Variants in GBE1 observed in about 807,000 individuals in gnomAD.
GBE1 encodes 1,4-alpha-glucan branching enzyme 1, also known as 1,4-alpha-glucan-branching enzyme.
Under a neutral mutation model 88.8 loss-of-function variants are expected in GBE1, and 70 were observed. The ratio of observed to expected loss-of-function variants is 0.79; its 90% CI spans 0.65 to 0.96. The LOEUF (loss-of-function observed/expected upper bound fraction) is 0.96, where lower values mean the gene tolerates loss of function less well. Among genes scored for constraint, GBE1 ranks in the 40% least tolerant of loss-of-function variants. The probability of loss-of-function intolerance (pLI) is 0.00; values close to 1 mark genes in which losing one functional copy is unlikely to be tolerated. For missense variants in GBE1, 872 were observed against 871.0 expected (o/e 1.00, Z -0.01); for synonymous variants, 284 against 300.1 (o/e 0.95, Z 0.56).
At chr3:81,667,567 A>C (rs1037661015) in intron 3 of GBE1, among the ~76,000 whole-genome samples, 6 of 152,126 alleles carry the variant, frequency 3.9e-5, no homozygotes, top group Admixed American at 2.0e-4. Context: ...ATTCAATATG[A>C]TATTAGTTGT....
chr3:81,499,344 TAAG>T, intron 14 of GBE1, 117 bp from the exon 15 acceptor site: 2 of 709,444 alleles, frequency 2.8e-6, no homozygotes, highest in South Asian at 3.1e-5. Context: ...TAATTTGTGC[TAAG>T]AACTCATTTC....
At chr3:81,736,333 C>T (rs1380747416) in intron 1 of GBE1, among the ~76,000 whole-genome samples, 4 of 152,194 alleles carry the variant, frequency 2.6e-5, no homozygotes, top group African/African-American at 7.2e-5. Flanking sequence ...TTGGCCATTG[C>T]TGAACCCAAG....
chr3:81,554,783 T>A (rs1703323810), intron 12 of GBE1, among the ~76,000 whole-genome samples: 1 of 152,192 alleles, frequency 6.6e-6, no homozygotes, highest in Non-Finnish European at 1.5e-5. Context: ...ATCCAAGGCT[T>A]GTTCAAGGCA....
intron 7 of GBE1, among the ~76,000 whole-genome samples, chr3:81,614,507 C>T (rs1223870052): frequency 6.6e-6 from 1 of 152,004 alleles, no homozygotes; most frequent in East Asian, 1.9e-4. Context: ...GAGGCCAAGG[C>T]GGGGGCTGGG....
intron 1 of GBE1, among the ~76,000 whole-genome samples, chr3:81,715,215 C>A: frequency 6.6e-6 from 1 of 152,212 alleles, no homozygotes; most frequent in East Asian, 1.9e-4. Context: ...GGAGATATAT[C>A]GTCTCACTTG....
chr3:81,619,707 G>A (rs1444112933), intron 7 of GBE1, among the ~76,000 whole-genome samples: 2 of 151,934 alleles, frequency 1.3e-5, no homozygotes, highest in Non-Finnish European at 2.9e-5. Flanking sequence ...TATCCTCTAG[G>A]TTGGAGACAC....
At chr3:81,617,727 T>C (rs1704269542) in intron 7 of GBE1, among the ~76,000 whole-genome samples, 1 of 152,002 alleles carries the variant, frequency 6.6e-6, no homozygotes. Context: ...AATACTGGCT[T>C]CATAAAATGA....
intron 12 of GBE1, among the ~76,000 whole-genome samples, chr3:81,562,357 A>C (rs1239006240): frequency 6.6e-6 from 1 of 152,102 alleles, no homozygotes; most frequent in Non-Finnish European, 1.5e-5. Flanking sequence ...GAATGACTGT[A>C]GTTAGAGCTG....
At chr3:81,750,561 A>ATACGTATATATATACGTATATATATG (rs1266223775) in intron 1 of GBE1, among the ~76,000 whole-genome samples, 4 of 82,008 alleles carry the variant, frequency 4.9e-5, no homozygotes, top group Non-Finnish European at 8.9e-5. Context: ...GTATATATAT[A>ATACGTATATATATACGTATATATATG]TGTATATATA....
In GBE1 at chr3:81,536,962, G is replaced by C. The variant is rs1553680309; in HGVS notation, c.1752C>G (p.Asp584Glu). ...TTTCTTCCAATCTATTCATATCCCT[G>C]TCAAAATTATTTAGGAACTTGTAGC... is the stretch of plus-strand genomic sequence containing the variant. ...LLRYKFLNNF[D>E]RDMNRLEERY... Residue 584 changes from aspartate (D) to glutamate (E), a missense_variant, in exon 13 of 16, where the codon GAC becomes GAG. Transcript: ENST00000429644. The C allele has an allele frequency of 6.3e-7, 1 of 1,591,654 alleles. No individual in the cohort carries two copies. Among genetic ancestry groups the C allele is most frequent in the East Asian group, 2.3e-5 (1 of 42,906 alleles).
intron 1 of GBE1, among the ~76,000 whole-genome samples, chr3:81,713,492 G>A (rs1293925251): frequency 6.6e-6 from 1 of 152,148 alleles, no homozygotes; most frequent in Non-Finnish European, 1.5e-5. Context: ...TAACTGATAT[G>A]ATCAGAGACA....
intron 7 of GBE1, chr3:81,612,230 A>AAC: frequency 4.1e-6 from 2 of 485,550 alleles, no homozygotes; most frequent in South Asian, 5.0e-5. Flanking sequence ...TAAAAAAAAA[A>AAC]AAAAAAAAAA....
chr3:81,746,899 CTATAA>C (rs1236086756), intron 1 of GBE1, among the ~76,000 whole-genome samples: 3 of 152,184 alleles, frequency 2.0e-5, no homozygotes, highest in Middle Eastern at 3.4e-3. Flanking sequence ...TTTCGATAAC[CTATAA>C]TATGTGTAAA....
In GBE1 at chr3:81,625,093, GA is replaced by G. The variant is rs550624488; in HGVS notation, c.992+17687del. 5.9e-3 allele frequency among the ~76,000 whole-genome samples: 878 copies of G among 149,724 alleles called. 6 individuals carry two copies. The highest frequency in any genetic ancestry group is 8.4e-3 in the Admixed American group (126 of 14,986). ...TCCTGCCTGCTTTTATGTTATGAGG[GA>G]GGGGGAGGGGGAGGGGGAGGGAGAA... is the stretch of plus-strand genomic sequence containing the variant. On this transcript the variant is annotated intron_variant, in intron 7 of 15. Transcript: ENST00000429644.
chr3:81,664,582 TA>T (rs1705084499), intron 3 of GBE1, among the ~76,000 whole-genome samples: 1 of 152,154 alleles, frequency 6.6e-6, no homozygotes, highest in Non-Finnish European at 1.5e-5. Flanking sequence ...ATGTTAAAAT[TA>T]TTTTTATATA....
chr3:81,533,040 C>T (rs554174375), intron 14 of GBE1, among the ~76,000 whole-genome samples: 3 of 151,642 alleles, frequency 2.0e-5, no homozygotes, highest in South Asian at 2.1e-4. Context: ...AGACTTACGT[C>T]GCAGTTTGGG....
intron 14 of GBE1, among the ~76,000 whole-genome samples, chr3:81,527,497 C>T (rs948475243): frequency 2.6e-5 from 4 of 152,140 alleles, no homozygotes; most frequent in Admixed American, 2.0e-4. Flanking sequence ...TATCCAGAAT[C>T]TACAATGAAC....
intron 7 of GBE1, among the ~76,000 whole-genome samples, chr3:81,637,364 T>C (rs1704606028): frequency 6.6e-6 from 1 of 152,146 alleles, no homozygotes; most frequent in South Asian, 2.1e-4. Flanking sequence ...TAAAGTACTA[T>C]GAGTAACTGA....
intron 12 of GBE1, among the ~76,000 whole-genome samples, chr3:81,540,844 T>C (rs1703134459): frequency 6.6e-6 from 1 of 152,044 alleles, no homozygotes; most frequent in Non-Finnish European, 1.5e-5. Context: ...AGCCTCACTA[T>C]TCTACATGTT....
Sources: allele counts gnomAD v4.1 joint callset (sites outside exome capture counted in the v4.1 genomes callset), GRCh38; gene constraint gnomAD v4.1.1; transcripts MANE v1.5; gene names NCBI Gene and HGNC (gene_info 2026-07-23, HGNC 2026-07-21).